BMPR1B: variants seen among roughly 807,000 people sequenced by gnomAD.
BMPR1B encodes bone morphogenetic protein receptor type 1B.
Under a neutral mutation model 59.1 loss-of-function variants are expected in BMPR1B, and 12 were observed. That is an observed-to-expected ratio of 0.20 (90% CI 0.13 to 0.33). The LOEUF is 0.33. Ranked by LOEUF, BMPR1B falls within the 10% of genes least tolerant of loss-of-function variation. BMPR1B has a pLI of 1.00. For synonymous variants in BMPR1B, 237 were observed against 207.3 expected (o/e 1.14, Z -1.23); for missense variants, 550 against 610.9 (o/e 0.90, Z 1.05).
At chr4:94,843,228 C>T (rs1725168119) in intron 1 of BMPR1B, among the ~76,000 whole-genome samples, 1 of 152,170 alleles carries the variant, frequency 6.6e-6, no homozygotes, top group African/African-American at 2.4e-5. Context: ...GTATGGATGC[C>T]TACTTATTTT....
intron 3 of BMPR1B, among the ~76,000 whole-genome samples, chr4:95,063,413 A>G (rs1212256916): frequency 1.3e-5 from 2 of 152,148 alleles, no homozygotes; most frequent in Admixed American, 6.6e-5. Flanking sequence ...TAATATGATT[A>G]TAGCCTAGGG....
chr4:94,787,662 T>G (rs866051702), intron 1 of BMPR1B, among the ~76,000 whole-genome samples: 1 of 152,250 alleles, frequency 6.6e-6, no homozygotes, highest in African/African-American at 2.4e-5. Flanking sequence ...TTCATTTGCT[T>G]TAAGAATGGC....
chr4:94,962,486 T>A, intron 2 of BMPR1B, among the ~76,000 whole-genome samples: 1 of 152,218 alleles, frequency 6.6e-6, no homozygotes, highest in South Asian at 2.1e-4. Context: ...TTCTCTCCGC[T>A]ACCCTTGCTA....
intron 6 of BMPR1B, among the ~76,000 whole-genome samples, chr4:95,117,744 C>T (rs745932321): frequency 6.6e-6 from 1 of 151,968 alleles, no homozygotes; most frequent in Non-Finnish European, 1.5e-5. Flanking sequence ...TACAGTCCTG[C>T]CACTGCACTG....
chr4:94,867,735 G>T (rs77127628), intron 1 of BMPR1B, among the ~76,000 whole-genome samples: 2,648 of 152,206 alleles, frequency 0.017, 40 homozygotes, highest in Non-Finnish European at 0.023. Context: ...TTGAACCCTT[G>T]GGAAAACATA....
intron 1 of BMPR1B, among the ~76,000 whole-genome samples, chr4:94,793,351 C>A (rs1278923778): frequency 6.6e-6 from 1 of 151,720 alleles, no homozygotes; most frequent in Non-Finnish European, 1.5e-5. Context: ...ATGAACTCAT[C>A]ATTTTTTATG....
At chr4:94,820,931 G>C (rs1724185802) in intron 1 of BMPR1B, among the ~76,000 whole-genome samples, 1 of 152,160 alleles carries the variant, frequency 6.6e-6, no homozygotes, top group Non-Finnish European at 1.5e-5. Context: ...TTCTAAGAGA[G>C]ATCATTAGAG....
intron 2 of BMPR1B, among the ~76,000 whole-genome samples, chr4:94,904,776 A>G (rs998368281): frequency 1.3e-5 from 2 of 152,050 alleles, no homozygotes; most frequent in African/African-American, 4.8e-5. Context: ...CTCACTTTTT[A>G]GCATTGGCTT....
intron 1 of BMPR1B, among the ~76,000 whole-genome samples, chr4:94,758,364 C>G (rs2110550196): frequency 6.7e-6 from 1 of 150,256 alleles, no homozygotes; most frequent in East Asian, 2.0e-4. Flanking sequence ...GGCCTCGTGC[C>G]TGCGCAGGCG....
At chr4:95,053,967 G>A (rs1439099210) in intron 3 of BMPR1B, among the ~76,000 whole-genome samples, 1 of 152,124 alleles carries the variant, frequency 6.6e-6, no homozygotes, top group Admixed American at 6.5e-5. Flanking sequence ...ACTTCAGTGA[G>A]AATAATGATC....
intron 2 of BMPR1B, among the ~76,000 whole-genome samples, chr4:94,930,060 T>G (rs1729037779): frequency 6.6e-6 from 1 of 152,084 alleles, no homozygotes; most frequent in African/African-American, 2.4e-5. Context: ...ATTCTCTACT[T>G]TAAACTAAGA....
At chr4:95,152,524 T>G (rs1360214414) in intron 11 of BMPR1B, 119 bp from the exon 12 acceptor site, 1 of 843,020 alleles carries the variant, frequency 1.2e-6, no homozygotes, top group East Asian at 3.0e-5. Flanking sequence ...TTGCTATTTT[T>G]CTGCCTGAAC....
At chr4:94,829,259 T>A (rs1262270513) in intron 1 of BMPR1B, among the ~76,000 whole-genome samples, 4 of 152,136 alleles carry the variant, frequency 2.6e-5, no homozygotes, top group Non-Finnish European at 4.4e-5. Flanking sequence ...TCTCAATTTA[T>A]TCCAATAGGG....
At chr4:95,096,923 T>TG (rs1730447352) in intron 3 of BMPR1B, among the ~76,000 whole-genome samples, 1 of 142,304 alleles carries the variant, frequency 7.0e-6, no homozygotes, top group Non-Finnish European at 1.5e-5. Context: ...AAATATATAT[T>TG]AAATCAAATT....
chr4:95,133,870 C>T (rs1233812199), intron 10 of BMPR1B, among the ~76,000 whole-genome samples: 1 of 128,496 alleles, frequency 7.8e-6, no homozygotes, highest in Non-Finnish European at 1.8e-5. Context: ...ATGCCTGGCC[C>T]ACCTGCTGTT....
At chr4:94,922,736 C>T (rs1156389219) in intron 2 of BMPR1B, among the ~76,000 whole-genome samples, 3 of 151,984 alleles carry the variant, frequency 2.0e-5, no homozygotes, top group Non-Finnish European at 2.9e-5. Flanking sequence ...TCTGGGTAAC[C>T]ACTTGCTGTG....
At chr4:95,079,805 C>T (rs17022957) in intron 3 of BMPR1B, among the ~76,000 whole-genome samples, 6,602 of 150,662 alleles carry the variant, frequency 0.044, 485 homozygotes, top group African/African-American at 0.15. Context: ...CAACCCAAAA[C>T]AAAAGCTATC....
chr4:95,029,163 T>G (rs1028634827), intron 3 of BMPR1B, among the ~76,000 whole-genome samples: 5 of 152,008 alleles, frequency 3.3e-5, no homozygotes, highest in African/African-American at 4.8e-5. Flanking sequence ...TAGTTACATA[T>G]GTATACATGT....
intron 10 of BMPR1B, among the ~76,000 whole-genome samples, chr4:95,134,661 GTCT>G (rs1362679753): frequency 1.3e-4 from 20 of 152,272 alleles, no homozygotes; most frequent in Admixed American, 1.3e-3. Flanking sequence ...CTGCATAAAT[GTCT>G]TCTTTTGAGA....
Sources: allele counts gnomAD v4.1 joint callset (sites outside exome capture counted in the v4.1 genomes callset), GRCh38; gene constraint gnomAD v4.1.1; transcripts MANE v1.5; gene names NCBI Gene and HGNC (gene_info 2026-07-23, HGNC 2026-07-21).